The following ATOSA variants were observed in gnomAD, a reference collection of about 807,000 sequenced individuals.
The protein encoded by ATOSA is atos homolog protein A.
At chr15:52,658,706 T>C in the ATOSA span, 2 of 395,612 alleles carry the variant, frequency 5.1e-6, no homozygotes, top group African/African-American at 4.2e-5. Flanking sequence ...TGGCTCATGC[T>C]TGTAATTCCA....
At chr15:52,587,909 A>G in the ATOSA span, among the ~76,000 whole-genome samples, 3 of 152,314 alleles carry the variant, frequency 2.0e-5, no homozygotes, top group Non-Finnish European at 2.9e-5. Context: ...CTTAATCTGG[A>G]TATTATTAAG....
the ATOSA span, among the ~76,000 whole-genome samples, chr15:52,604,645 T>C: frequency 3.3e-5 from 5 of 152,120 alleles, no homozygotes; most frequent in Admixed American, 2.0e-4. Context: ...CTCCAAGAGA[T>C]TGTGTTGCAT....
At chr15:52,592,219 G>C in the ATOSA span, among the ~76,000 whole-genome samples, 1 of 152,148 alleles carries the variant, frequency 6.6e-6, no homozygotes, top group Non-Finnish European at 1.5e-5. Context: ...AGGGGTGTTA[G>C]GAGAGGAAGC....
the ATOSA span, among the ~76,000 whole-genome samples, chr15:52,619,789 C>A: frequency 6.6e-6 from 1 of 151,076 alleles, no homozygotes; most frequent in Non-Finnish European, 1.5e-5. Context: ...TGAGATTGCA[C>A]CACTGCACTC....
chr15:52,663,464 T>C, the ATOSA span, among the ~76,000 whole-genome samples: 2 of 152,220 alleles, frequency 1.3e-5, no homozygotes, highest in Non-Finnish European at 2.9e-5. Context: ...CACAGAATAG[T>C]TCATCAATAA....
At chr15:52,601,145 T>A in the ATOSA span, 1 of 1,544,846 alleles carries the variant, frequency 6.5e-7, no homozygotes, top group African/African-American at 1.4e-5. Context: ...AGCAACCTGA[T>A]TGTGTTTTTC....
the ATOSA span, among the ~76,000 whole-genome samples, chr15:52,640,394 C>T: frequency 5.3e-5 from 8 of 151,108 alleles, no homozygotes; most frequent in South Asian, 6.3e-4. Context: ...GGTGAAAACC[C>T]GACTCTACTA....
At chr15:52,669,340 A>C in the ATOSA span, among the ~76,000 whole-genome samples, 3 of 152,212 alleles carry the variant, frequency 2.0e-5, no homozygotes, top group Admixed American at 2.0e-4. Flanking sequence ...TCTGTCAAAC[A>C]CACCAAATAT....
chr15:52,604,397 C>T, the ATOSA span, among the ~76,000 whole-genome samples: 8 of 152,186 alleles, frequency 5.3e-5, no homozygotes, highest in Admixed American at 2.6e-4. Context: ...TTTGAACATA[C>T]GCGAGATACT....
At chr15:52,683,312 A>G in the ATOSA span, among the ~76,000 whole-genome samples, 1 of 152,236 alleles carries the variant, frequency 6.6e-6, no homozygotes, top group African/African-American at 2.4e-5. Flanking sequence ...TAATAAGTAG[A>G]AGGCAGCCGC....
chr15:52,699,263 AGTT>A, the ATOSA span, among the ~76,000 whole-genome samples: 1 of 152,152 alleles, frequency 6.6e-6, no homozygotes, highest in Middle Eastern at 3.2e-3. Context: ...CAGTGGTGGC[AGTT>A]GGGACCGAAG....
At chr15:52,628,680 A>G in the ATOSA span, among the ~76,000 whole-genome samples, 3 of 152,172 alleles carry the variant, frequency 2.0e-5, no homozygotes, top group Admixed American at 6.5e-5. Flanking sequence ...AACTCCTCAA[A>G]TGATATTATG....
the ATOSA span, among the ~76,000 whole-genome samples, chr15:52,706,752 T>C: frequency 1.3e-5 from 2 of 152,220 alleles, no homozygotes; most frequent in African/African-American, 4.8e-5. Flanking sequence ...TATTGATGCA[T>C]GCCACAAAAT....
the ATOSA span, chr15:52,600,186 G>A: frequency 1.2e-6 from 2 of 1,611,984 alleles, no homozygotes; most frequent in Non-Finnish European, 1.7e-6. Context: ...CTCAAAAATG[G>A]TTTTTCATGA....
chr15:52,618,202 CTAATTTTTTT>C, the ATOSA span, among the ~76,000 whole-genome samples: 41 of 152,166 alleles, frequency 2.7e-4, no homozygotes, highest in African/African-American at 9.9e-4. Flanking sequence ...CCACGTCTGG[CTAATTTTTTT>C]GTATTTTTAG....
At chr15:52,672,868 G>T in the ATOSA span, among the ~76,000 whole-genome samples, 1 of 152,264 alleles carries the variant, frequency 6.6e-6, no homozygotes, top group East Asian at 1.9e-4. Context: ...CATAGATGGG[G>T]TATCTCTACG....
the ATOSA span, among the ~76,000 whole-genome samples, chr15:52,706,225 C>T: frequency 6.6e-6 from 1 of 152,046 alleles, no homozygotes; most frequent in African/African-American, 2.4e-5. Context: ...TATAACAATA[C>T]AAACAAATGA....
chr15:52,648,962 A>G, the ATOSA span, among the ~76,000 whole-genome samples: 1 of 152,146 alleles, frequency 6.6e-6, no homozygotes, highest in Non-Finnish European at 1.5e-5. Context: ...CAGTTTCTCA[A>G]TAGTCCTCAT....
chr15:52,635,783 G>C, the ATOSA span, among the ~76,000 whole-genome samples: 1 of 152,006 alleles, frequency 6.6e-6, no homozygotes, highest in African/African-American at 2.4e-5. Context: ...GGATCACGAG[G>C]TCAGGAGTTC....
Sources: allele counts gnomAD v4.1 joint callset (sites outside exome capture counted in the v4.1 genomes callset), GRCh38; gene constraint gnomAD v4.1.1; transcripts MANE v1.5; gene names NCBI Gene and HGNC (gene_info 2026-07-23, HGNC 2026-07-21).